The following ZC3H7A variants were observed in gnomAD, a reference collection of about 807,000 sequenced individuals.
ZC3H7A encodes the protein zinc finger CCCH domain-containing protein 7A.
A neutral mutation model predicts 125.5 loss-of-function variants in ZC3H7A; 44 were observed. That is an observed-to-expected ratio of 0.35 (90% CI 0.28 to 0.45). The LOEUF is 0.45. ZC3H7A is among the 20% of genes least tolerant of loss of function. The pLI, the probability that ZC3H7A is intolerant of heterozygous loss-of-function variation, is 1.00. For synonymous variants in ZC3H7A, 399 were observed against 391.2 expected (o/e 1.02, Z -0.23); for missense variants, 977 against 1,170.7 (o/e 0.83, Z 2.41).
At chr16:11,752,911 T>TTC (rs1404637338) in intron 21 of ZC3H7A, 79 bp from the exon 22 acceptor site, 1 of 1,532,298 alleles carries the variant, frequency 6.5e-7, no homozygotes, top group Non-Finnish European at 8.8e-7. Flanking sequence ...CCCAGGCTGG[T>TTC]GGGAGAGCCA....
intron 8 of ZC3H7A, 63 bp from the exon 9 acceptor site, chr16:11,774,582 TC>T: frequency 7.0e-7 from 1 of 1,438,376 alleles, no homozygotes; most frequent in Non-Finnish European, 9.2e-7. Flanking sequence ...ATACCATTAA[TC>T]CCCAATAATA....
Position 11,768,521 on chromosome 16 carries a change from A to G in ZC3H7A, c.1174-20T>C, listed in dbSNP as rs1282350293. The G allele has an allele frequency of 4.3e-6, 4 of 921,048 alleles. No homozygotes were observed. The highest frequency in any genetic ancestry group is 1.4e-6 in the Non-Finnish European group (1 of 715,970). 57.1% of individuals were successfully genotyped at this position (921,048 alleles called of 1,614,324 possible). On this transcript the variant is annotated intron_variant, in intron 11 of 22. Coordinates refer to ENST00000355758, the MANE Select transcript of ZC3H7A (RefSeq NM_014153.4). ...ATTCATCTGCAAGAAAAATAAGAAG[A>G]AAAAAAAAAAAAACAGCCAACAAAT...
At chr16:11,787,688 G>A (rs1002271179) in intron 1 of ZC3H7A, among the ~76,000 whole-genome samples, 1 of 152,120 alleles carries the variant, frequency 6.6e-6, no homozygotes, top group African/African-American at 2.4e-5. Context: ...GCTCACGTCT[G>A]TAATCCCAGC....
intron 19 of ZC3H7A, among the ~76,000 whole-genome samples, chr16:11,760,754 G>C (rs542442680): frequency 1.3e-5 from 2 of 152,304 alleles, no homozygotes; most frequent in South Asian, 4.1e-4. Flanking sequence ...TCATGAAGAG[G>C]AAAGTCCAGG....
chr16:11,762,008 A>G lies in ZC3H7A; in HGVS notation c.2115T>C (p.Asn705=). 1 of 1,612,250 alleles carries G rather than the reference A, an allele frequency of 6.2e-7. No individual in the cohort carries two copies. Among genetic ancestry groups the G allele is most frequent in the Non-Finnish European group, 8.5e-7 (1 of 1,179,548 alleles). Residue 705 remains asparagine, a synonymous_variant, in exon 18 of 23, where the codon AAT becomes AAC. Coordinates refer to ENST00000355758, the MANE Select transcript of ZC3H7A (RefSeq NM_014153.4). ...LGNQIMPGFL[N]MKIKFVCAQC... Reference sequence around the variant, plus strand: ...GGGCGCACACAAACTTTATCTTCATATTAAGAAATCCAGGCATTATTTGAT... The same window carrying G: ...GGGCGCACACAAACTTTATCTTCATGTTAAGAAATCCAGGCATTATTTGAT...
chr16:11,757,054 G>A (rs931129767), intron 20 of ZC3H7A, among the ~76,000 whole-genome samples: 11 of 152,238 alleles, frequency 7.2e-5, no homozygotes, highest in Admixed American at 2.0e-4. Context: ...CTTTGCTGGG[G>A]GTATGCCCTG....
intron 13 of ZC3H7A, among the ~76,000 whole-genome samples, chr16:11,766,951 T>C (rs1490854148): frequency 1.3e-5 from 2 of 152,200 alleles, no homozygotes; most frequent in African/African-American, 2.4e-5. Flanking sequence ...TCCAAGGAAC[T>C]TGCTATTAGC....
At chr16:11,790,991 T>C (rs756679024) in intron 1 of ZC3H7A, among the ~76,000 whole-genome samples, 3 of 151,756 alleles carry the variant, frequency 2.0e-5, no homozygotes, top group Non-Finnish European at 4.4e-5. Context: ...GAAGATCGCT[T>C]AAGCCCAGGT....
chr16:11,791,865 C>T lies in ZC3H7A; in HGVS notation c.-35+5259G>A, dbSNP rs143543241. ...TATACAATGACAAGTTTCACTGATC[C>T]CCTCTTCTCCTAAATAAAAAAGAAT... is the stretch of plus-strand genomic sequence containing the variant. On this transcript the variant is annotated intron_variant, in intron 1 of 22. Transcript: ENST00000355758. Among the ~76,000 whole-genome samples the T allele has an allele frequency of 5.6e-4, 85 of 152,294 alleles. No homozygotes were observed. In the East Asian group the frequency reaches 0.016, roughly 28 times the overall value.
Position 11,765,314 on chromosome 16 carries a change from T to C in ZC3H7A, c.1720-161A>G, listed in dbSNP as rs1468019625. On this transcript the variant is annotated intron_variant, in intron 14 of 22. Coordinates refer to ENST00000355758, the MANE Select transcript of ZC3H7A (RefSeq NM_014153.4). The surrounding 1 kb of genome is among the most constrained non-coding windows in gnomAD (Gnocchi z 4.8). ...TAGCCAACATTTACTGAATGAATGT[T>C]TTATCACATGGGAGGACCAGAGGAA... is the stretch of plus-strand genomic sequence containing the variant. Among the ~76,000 whole-genome samples, 1 of 152,200 alleles carries C rather than the reference T, an allele frequency of 6.6e-6. No homozygotes were observed. The highest frequency in any genetic ancestry group is 1.5e-5 in the Non-Finnish European group (1 of 68,040).
intron 11 of ZC3H7A, 134 bp from the exon 12 acceptor site, chr16:11,768,635 T>A (rs2052911676): frequency 2.6e-6 from 2 of 766,492 alleles, no homozygotes; most frequent in Non-Finnish European, 3.7e-6. Flanking sequence ...CCATCCTTAA[T>A]GCTCTTCTAT....
chr16:11,789,315 G>A (rs1330472909), intron 1 of ZC3H7A, among the ~76,000 whole-genome samples: 1 of 151,884 alleles, frequency 6.6e-6, no homozygotes, highest in Admixed American at 6.6e-5. Flanking sequence ...CCAGGCTGGA[G>A]TGCAATGGCA....
rs1567378270 is a variant in ZC3H7A at position 11,765,096 on chromosome 16, C to G, written c.1777G>C (p.Ala593Pro). The G allele has an allele frequency of 6.3e-7, 1 of 1,592,312 alleles. No homozygotes were observed. The highest frequency in any genetic ancestry group is 1.1e-5 in the South Asian group (1 of 87,366). ...ISKRNKDNST[A>P]CSHPVTKHEF... Reference sequence around the variant, plus strand: ...TGCTTTGTAACCGGGTGAGAACAAGCAGTAGAATTATCTTTATTTCTTTTA... The same window carrying G: ...TGCTTTGTAACCGGGTGAGAACAAGGAGTAGAATTATCTTTATTTCTTTTA... The change falls in exon 15 of 23, where the codon GCT (alanine) becomes CCT (proline). Residue 593 changes from alanine to proline, a missense_variant. This residue lies in a region of ZC3H7A where 436 missense variants were observed against 603.2 expected (regional missense o/e 0.72). Transcript: ENST00000355758. This position sits in a 1 kb window ranked among gnomAD's most constrained non-coding sequence, Gnocchi z 4.8.
chr16:11,785,021 G>A (rs1262111719), intron 1 of ZC3H7A, among the ~76,000 whole-genome samples: 1 of 151,846 alleles, frequency 6.6e-6, no homozygotes, highest in Admixed American at 6.6e-5. Context: ...AGCCGGGCGT[G>A]GTGGCACATG....
At chr16:11,764,036 C>A (rs759880320) in intron 15 of ZC3H7A, among the ~76,000 whole-genome samples, 2 of 151,834 alleles carry the variant, frequency 1.3e-5, no homozygotes, top group Non-Finnish European at 1.5e-5. Flanking sequence ...CCTCGTGATC[C>A]GCCTGCCTCG....
intron 22 of ZC3H7A, 95 bp from the exon 23 acceptor site, chr16:11,751,601 T>G: frequency 7.9e-7 from 1 of 1,268,378 alleles, no homozygotes. Flanking sequence ...AGCTTTATGA[T>G]TTGCATACAA....
At chr16:11,786,276 T>C (rs2053255746) in intron 1 of ZC3H7A, among the ~76,000 whole-genome samples, 1 of 152,176 alleles carries the variant, frequency 6.6e-6, no homozygotes, top group African/African-American at 2.4e-5. Flanking sequence ...CAGAGTAGTA[T>C]GCAGGATGCC....
At chr16:11,792,891 TGG>T (rs2053376236) in intron 1 of ZC3H7A, among the ~76,000 whole-genome samples, 1 of 152,114 alleles carries the variant, frequency 6.6e-6, no homozygotes, top group Admixed American at 6.5e-5. Context: ...GATGAACAGG[TGG>T]GCACTTTAAA....
chr16:11,784,625 C>T (rs560052105), intron 1 of ZC3H7A, among the ~76,000 whole-genome samples: 10 of 152,006 alleles, frequency 6.6e-5, no homozygotes, highest in South Asian at 2.1e-4. Context: ...GAGGCCGAGG[C>T]GAGTGGATCA....
Sources: allele counts gnomAD v4.1 joint callset (sites outside exome capture counted in the v4.1 genomes callset), GRCh38; gene constraint gnomAD v4.1.1; regional missense constraint gnomAD v4.1.1; non-coding constraint Gnocchi (gnomAD v3.1); transcripts MANE v1.5; gene names NCBI Gene and HGNC (gene_info 2026-07-23, HGNC 2026-07-21).